Variants in GPHN observed in about 807,000 individuals in gnomAD.
The protein encoded by GPHN is gephyrin.
GPHN carries 17 observed loss-of-function variants against 95.5 expected under a neutral mutation model. That is an observed-to-expected ratio of 0.18 (90% confidence interval 0.12 to 0.27). GPHN has a LOEUF of 0.27. Ranked by LOEUF, GPHN falls within the 10% of genes least tolerant of loss-of-function variation. The pLI, the probability that GPHN is intolerant of heterozygous loss-of-function variation, is 1.00. For missense variants in GPHN, 660 were observed against 978.1 expected (o/e 0.67, Z 4.34); for synonymous variants, 320 against 322.5 (o/e 0.99, Z 0.08).
At chr14:66,585,063 A>G (rs2061363331) in intron 1 of GPHN, among the ~76,000 whole-genome samples, 2 of 152,178 alleles carry the variant, frequency 1.3e-5, no homozygotes. Flanking sequence ...CCTCAGTTTC[A>G]GAGCCTGTTA....
chr14:67,291,252 G>A, the GPHN span, among the ~76,000 whole-genome samples: 3 of 149,346 alleles, frequency 2.0e-5, no homozygotes, highest in Non-Finnish European at 4.4e-5. Context: ...TTTTTGAGAT[G>A]GAGTCTTGCT....
chr14:67,645,920 T>C, the GPHN span: 17 of 1,168,334 alleles, frequency 1.5e-5, no homozygotes, highest in South Asian at 2.4e-4. Context: ...ACTCCTTCAT[T>C]TGTTCATCAC....
intron 8 of GPHN, among the ~76,000 whole-genome samples, chr14:66,949,993 G>GAAAAAAAAAAAA (rs71129809): frequency 5.2e-5 from 3 of 57,812 alleles, no homozygotes; most frequent in Admixed American, 1.9e-4. Flanking sequence ...TTTAGGACAG[G>GAAAAAAAAAAAA]AAAAAAAAAA....
At chr14:66,890,171 G>C (rs2064401927) in intron 5 of GPHN, among the ~76,000 whole-genome samples, 1 of 152,094 alleles carries the variant, frequency 6.6e-6, no homozygotes. Context: ...CAACACTTTG[G>C]GAGGCCAAGG....
chr14:67,379,654 C>CTTTTTTTTTTTTT, the GPHN span, among the ~76,000 whole-genome samples: 68 of 119,948 alleles, frequency 5.7e-4, no homozygotes, highest in African/African-American at 6.5e-4. Flanking sequence ...TTTTCTTTTT[C>CTTTTTTTTTTTTT]TTTTTTTTTT....
chr14:67,227,936 A>G, the GPHN span, among the ~76,000 whole-genome samples: 3 of 152,206 alleles, frequency 2.0e-5, no homozygotes, highest in African/African-American at 7.2e-5. Flanking sequence ...TTTGGAGGCC[A>G]AGGCGGGTGG....
In GPHN at chr14:67,094,222, AGT is replaced by A. The variant is rs560408340; in HGVS notation, c.1237+5150_1237+5151del. On this transcript the variant is annotated intron_variant, in intron 12 of 22. Coordinates refer to ENST00000478722, the MANE Select transcript of GPHN (RefSeq NM_020806.5). ...CTGTGTACACAATGAGTAGTTATCTAGTGTTATCAATTTCATATCAAATAATA... is the reference window on the plus strand; with the variant it reads ...CTGTGTACACAATGAGTAGTTATCTAGTTATCAATTTCATATCAAATAATA... Among the ~76,000 whole-genome samples, 362 of 152,254 alleles carry A rather than the reference AGT, an allele frequency of 2.4e-3. 4 individuals are homozygous for A. Among genetic ancestry groups the A allele is most frequent in the African/African-American group, 8.2e-3 (341 of 41,562 alleles).
chr14:67,468,074 A>T, the GPHN span, among the ~76,000 whole-genome samples: 45,002 of 151,876 alleles, frequency 0.3, 7,675 homozygotes, highest in African/African-American at 0.48. Context: ...CCTGGGTTCA[A>T]GCGATTGTCC....
intron 3 of GPHN, among the ~76,000 whole-genome samples, chr14:66,777,024 T>G (rs180965333): frequency 6.6e-6 from 1 of 151,566 alleles, no homozygotes; most frequent in Non-Finnish European, 1.5e-5. Flanking sequence ...CTCCCAATGC[T>G]ATCCCGAGCT....
At chr14:67,343,673 T>C in the GPHN span, among the ~76,000 whole-genome samples, 1 of 152,244 alleles carries the variant, frequency 6.6e-6, no homozygotes, top group Non-Finnish European at 1.5e-5. Context: ...AAGACCAGCC[T>C]GGGCAACACA....
At chr14:67,187,658 C>G in the GPHN span, among the ~76,000 whole-genome samples, 3 of 152,204 alleles carry the variant, frequency 2.0e-5, no homozygotes, top group African/African-American at 7.2e-5. Context: ...CATCTAGGCT[C>G]TTCTTCCGTG....
At chr14:67,050,840 G>C (rs933251362) in intron 10 of GPHN, among the ~76,000 whole-genome samples, 1 of 147,812 alleles carries the variant, frequency 6.8e-6, no homozygotes, top group Admixed American at 6.8e-5. Flanking sequence ...AGGAAAAGCA[G>C]AGTGGAGTGA....
the GPHN span, chr14:67,690,092 A>G: frequency 3.7e-6 from 3 of 801,402 alleles, no homozygotes; most frequent in African/African-American, 1.7e-5. Flanking sequence ...ACTGTACCCA[A>G]TTATAGCCAC....
chr14:66,884,507 C>T (rs972463435), intron 5 of GPHN, among the ~76,000 whole-genome samples: 11 of 152,002 alleles, frequency 7.2e-5, no homozygotes, highest in African/African-American at 2.7e-4. Flanking sequence ...CATCTTGTTC[C>T]AGTGGTTAAC....
At chr14:67,300,336 C>CTTTTTTTTT in the GPHN span, among the ~76,000 whole-genome samples, 3 of 139,084 alleles carry the variant, frequency 2.2e-5, no homozygotes, top group Non-Finnish European at 4.6e-5. Flanking sequence ...TATGAATTAC[C>CTTTTTTTTT]TTTTTTTTTT....
At chr14:67,036,780 A>G (rs182445710) in intron 10 of GPHN, among the ~76,000 whole-genome samples, 3 of 152,116 alleles carry the variant, frequency 2.0e-5, no homozygotes, top group Non-Finnish European at 4.4e-5. Context: ...TGCTGAATAA[A>G]GTTAAAGACA....
At chr14:67,660,130 C>T in the GPHN span, 5 of 510,488 alleles carry the variant, frequency 9.8e-6, no homozygotes, top group Admixed American at 7.3e-5. Context: ...AGCAGGCATT[C>T]GAGTATATGA....
the GPHN span, among the ~76,000 whole-genome samples, chr14:67,253,953 A>AT: frequency 2.0e-3 from 281 of 138,686 alleles, 6 homozygotes; most frequent in East Asian, 0.037. Context: ...TTGTGTTAAT[A>AT]TTTTGTTTTG....
At chr14:67,426,786 G>A in the GPHN span, among the ~76,000 whole-genome samples, 1 of 152,182 alleles carries the variant, frequency 6.6e-6, no homozygotes, top group Non-Finnish European at 1.5e-5. Flanking sequence ...TGTTGGGCAG[G>A]CTGGTTTCGA....
Sources: gnomAD v4.1 joint callset for allele counts (sites outside exome capture counted in the v4.1 genomes callset) on GRCh38, gnomAD v4.1.1 for gene constraint, MANE v1.5 for transcripts, NCBI Gene and HGNC (gene_info 2026-07-23, HGNC 2026-07-21) for gene names.